GRM7: variants seen among roughly 807,000 people sequenced by gnomAD.
The protein encoded by GRM7 is glutamate metabotropic receptor 7.
In GRM7, 35 loss-of-function variants were observed where a neutral mutation model predicts 84.5. The ratio of observed to expected loss-of-function variants is 0.41; its 90% CI spans 0.32 to 0.55. GRM7 has a LOEUF of 0.55. Among genes scored for constraint, GRM7 ranks in the 20% least tolerant of loss-of-function variants. The probability of loss-of-function intolerance (pLI) is 0.19; values close to 1 mark genes in which losing one functional copy is unlikely to be tolerated. For synonymous variants in GRM7, 487 were observed against 455.1 expected, an observed-to-expected ratio of 1.07 and a Z score of -0.89; for missense variants, 1,003 against 1,194.6, an observed-to-expected ratio of 0.84 and a Z score of 2.36.
intron 7 of GRM7, among the ~76,000 whole-genome samples, chr3:7,556,648 G>A (rs979448937): frequency 3.9e-5 from 6 of 152,174 alleles, no homozygotes; most frequent in Admixed American, 2.0e-4. Flanking sequence ...CTCACTGAAC[G>A]TGGCACTTAG....
chr3:7,003,886 C>A (rs184853459), intron 1 of GRM7, among the ~76,000 whole-genome samples: 2 of 152,202 alleles, frequency 1.3e-5, no homozygotes, highest in Admixed American at 6.5e-5. Flanking sequence ...ACTCAAGATG[C>A]CAGCTAGAGA....
intron 2 of GRM7, among the ~76,000 whole-genome samples, chr3:7,240,548 C>A (rs559720011): frequency 6.6e-6 from 1 of 152,234 alleles, no homozygotes; most frequent in South Asian, 2.1e-4. Flanking sequence ...TATCAAAGAT[C>A]TAACTTGTTA....
intron 9 of GRM7, chr3:7,681,411 A>G (rs956137635): frequency 6.6e-6 from 1 of 152,258 alleles, no homozygotes; most frequent in Admixed American, 6.5e-5. Flanking sequence ...CAAGAAGCCA[A>G]CTGGGTTTGA....
At chr3:7,296,698 A>G (rs1255010480) in intron 2 of GRM7, among the ~76,000 whole-genome samples, 2 of 152,056 alleles carry the variant, frequency 1.3e-5, no homozygotes, top group African/African-American at 2.4e-5. Context: ...TTTGATATCC[A>G]TGAGATCATC....
At chr3:6,994,264 G>A (rs184935016) in intron 1 of GRM7, among the ~76,000 whole-genome samples, 1 of 152,232 alleles carries the variant, frequency 6.6e-6, no homozygotes, top group Admixed American at 6.5e-5. Context: ...GACTTTGATG[G>A]TGAAGGAGCA....
At chr3:7,211,038 A>G (rs929263672) in intron 2 of GRM7, among the ~76,000 whole-genome samples, 4 of 152,184 alleles carry the variant, frequency 2.6e-5, no homozygotes. Flanking sequence ...CTCCATAAAT[A>G]AATAACCAAC....
rs1342417079 is a variant in GRM7 at position 7,437,598 on chromosome 3, CTAT to C, written c.1175-15004_1175-15002del. ...TCTTAACTCATAATGTTTATTGTCT[CTAT>C]TATTTCTTTTTTTCTAAAATTGCAT... On this transcript the variant is annotated intron_variant, in intron 5 of 9. Transcript: ENST00000357716. Among the ~76,000 whole-genome samples, 5 of 152,028 alleles carry C rather than the reference CTAT, an allele frequency of 3.3e-5. No individual in the cohort carries two copies. The East Asian group carries it at 9.6e-4, about 29-fold the overall frequency.
At chr3:7,344,689 C>T (rs1354886535) in intron 4 of GRM7, among the ~76,000 whole-genome samples, 3 of 152,094 alleles carry the variant, frequency 2.0e-5, no homozygotes, top group Non-Finnish European at 4.4e-5. Context: ...ATAAATATCA[C>T]ATGTTCTCAC....
rs543987374 is a variant in GRM7, at chr3:7,391,653, A to G, written c.1034-23370A>G. Among the ~76,000 whole-genome samples, 21 of 152,296 alleles carry G rather than the reference A, an allele frequency of 1.4e-4. 3 individuals are homozygous for G. The South Asian group carries it at 4.4e-3, about 32-fold the overall frequency. On this transcript the variant is annotated intron_variant, in intron 4 of 9. Transcript: ENST00000357716. ...CAGCACACCAACATGGCAAATGTAT[A>G]CATATGTAACAAACCTGCACATTGT...
chr3:7,709,620 T>C (rs1362499143), intron 9 of GRM7, among the ~76,000 whole-genome samples: 1 of 152,194 alleles, frequency 6.6e-6, no homozygotes, highest in Non-Finnish European at 1.5e-5. Flanking sequence ...TTGTATATTT[T>C]GGGTTTCCCA....
chr3:7,034,857 A>C (rs2173507), intron 1 of GRM7, among the ~76,000 whole-genome samples: 8,621 of 152,214 alleles, frequency 0.057, 841 homozygotes, highest in African/African-American at 0.2. Context: ...TTGCAATGTT[A>C]GTTCCAGGAC....
chr3:7,223,809 C>T (rs1180458379), intron 2 of GRM7, among the ~76,000 whole-genome samples: 3 of 152,162 alleles, frequency 2.0e-5, no homozygotes, highest in Non-Finnish European at 4.4e-5. Context: ...AGATGGAAAA[C>T]TGTGGGGCAG....
At chr3:7,444,889 G>A (rs928193506) in intron 5 of GRM7, among the ~76,000 whole-genome samples, 1 of 152,150 alleles carries the variant, frequency 6.6e-6, no homozygotes, top group African/African-American at 2.4e-5. Context: ...CTCCTTTGCT[G>A]TAATTCTTTT....
intron 2 of GRM7, among the ~76,000 whole-genome samples, chr3:7,263,532 CA>C (rs1190065221): frequency 5.3e-5 from 8 of 152,152 alleles, no homozygotes; most frequent in Non-Finnish European, 8.8e-5. Flanking sequence ...CAACACGGGT[CA>C]GGGGCGGCTC....
intron 7 of GRM7, among the ~76,000 whole-genome samples, chr3:7,536,128 G>C (rs1701233593): frequency 6.6e-6 from 1 of 152,142 alleles, no homozygotes; most frequent in Non-Finnish European, 1.5e-5. Flanking sequence ...TCAGATGATG[G>C]GCTCTGGAAT....
At chr3:7,365,095 C>T (rs990898300) in intron 4 of GRM7, among the ~76,000 whole-genome samples, 1 of 151,842 alleles carries the variant, frequency 6.6e-6, no homozygotes, top group Non-Finnish European at 1.5e-5. Context: ...TTTCAGGATA[C>T]TTTCCCACAG....
chr3:7,249,373 A>G (rs1203892323), intron 2 of GRM7, among the ~76,000 whole-genome samples: 2 of 152,296 alleles, frequency 1.3e-5, no homozygotes, highest in Admixed American at 1.3e-4. Context: ...TTTGGCCTTT[A>G]TAATTTCTTT....
intron 2 of GRM7, among the ~76,000 whole-genome samples, chr3:7,153,208 G>C (rs1397317589): frequency 1.3e-5 from 1 of 78,242 alleles, no homozygotes; most frequent in East Asian, 4.0e-4. Context: ...TTCTGATTTT[G>C]TTTCCCTGGC....
chr3:7,230,031 G>C lies in GRM7; in HGVS notation c.737-68653G>C, dbSNP rs568155485. Among the ~76,000 whole-genome samples, 80 of 150,850 alleles carry C rather than the reference G, an allele frequency of 5.3e-4. 1 individual carries two copies. In the South Asian group the frequency reaches 0.016, roughly 30 times the overall value. On this transcript the variant is annotated intron_variant, in intron 2 of 9. Coordinates refer to ENST00000357716, the MANE Select transcript of GRM7 (RefSeq NM_000844.4). ...ATTTTTTGCGTTTTTAGTAGAGACG[G>C]GGTTTCACCGTGTTAGCCAGGATGG...
Sources: allele counts gnomAD v4.1 joint callset (sites outside exome capture counted in the v4.1 genomes callset), GRCh38; gene constraint gnomAD v4.1.1; transcripts MANE v1.5; gene names NCBI Gene and HGNC (gene_info 2026-07-23, HGNC 2026-07-21).